The following XNDC1N variants were observed in gnomAD, a reference collection of about 807,000 sequenced individuals.
The protein encoded by XNDC1N is XRCC1 N-terminal domain containing 1, N-terminal like.
chr11:71,918,148 C>T, the XNDC1N span, among the ~76,000 whole-genome samples: 1 of 152,184 alleles, frequency 6.6e-6, no homozygotes, highest in Non-Finnish European at 1.5e-5. Context: ...TTCTAAATTC[C>T]AGAGAATTCT....
the XNDC1N span, among the ~76,000 whole-genome samples, chr11:71,899,696 C>T: frequency 6.6e-6 from 1 of 152,212 alleles, no homozygotes; most frequent in Admixed American, 6.5e-5. Flanking sequence ...GCAGGGAGCC[C>T]TGCCCTTGAA....
the XNDC1N span, among the ~76,000 whole-genome samples, chr11:71,867,310 G>A: frequency 0.19 from 28,645 of 152,166 alleles, 4,927 homozygotes; most frequent in African/African-American, 0.45. Context: ...CAGTGATTTG[G>A]CAACCATCCA....
the XNDC1N span, chr11:71,917,400 T>C: frequency 1.6e-6 from 1 of 616,868 alleles, no homozygotes; most frequent in Non-Finnish European, 2.9e-6. Flanking sequence ...AAATAGTTCA[T>C]AAATCTCCAT....
the XNDC1N span, among the ~76,000 whole-genome samples, chr11:71,868,833 G>A: frequency 6.6e-6 from 1 of 152,140 alleles, no homozygotes; most frequent in African/African-American, 2.4e-5. Flanking sequence ...CTCTAGTGAG[G>A]TTGGGGAAAT....
the XNDC1N span, among the ~76,000 whole-genome samples, chr11:71,924,401 G>A: frequency 1.3e-3 from 200 of 151,942 alleles, no homozygotes; most frequent in Non-Finnish European, 6.8e-4. Context: ...GTTCTGGACC[G>A]GGCGCGGTGG....
chr11:71,919,621 GTTTTTTTTTTTTT>G, the XNDC1N span, among the ~76,000 whole-genome samples: 1 of 27,000 alleles, frequency 3.7e-5, no homozygotes, highest in African/African-American at 7.6e-5. Context: ...TTTTTTGTTT[GTTTTTTTTTTTTT>G]TGAGACAGAG....
the XNDC1N span, among the ~76,000 whole-genome samples, chr11:71,911,282 T>C: frequency 1.3e-5 from 2 of 152,132 alleles, no homozygotes; most frequent in African/African-American, 4.8e-5. Context: ...TCTGTGAAAA[T>C]CCCCGTATAA....
chr11:71,873,658 T>C, the XNDC1N span, among the ~76,000 whole-genome samples: 1 of 151,850 alleles, frequency 6.6e-6, no homozygotes, highest in Admixed American at 6.6e-5. Context: ...TAGAAATGAG[T>C]TTGAAATGTT....
the XNDC1N span, among the ~76,000 whole-genome samples, chr11:71,907,725 G>A: frequency 6.6e-6 from 1 of 152,042 alleles, no homozygotes; most frequent in East Asian, 1.9e-4. Context: ...TTGGGGACGT[G>A]TCCACTTTCT....
the XNDC1N span, among the ~76,000 whole-genome samples, chr11:71,883,731 G>A: frequency 2.0e-5 from 3 of 152,088 alleles, no homozygotes; most frequent in Admixed American, 1.3e-4. Context: ...GGAAGGATTG[G>A]TATGTTTAAA....
At chr11:71,904,394 G>A in the XNDC1N span, among the ~76,000 whole-genome samples, 3 of 152,044 alleles carry the variant, frequency 2.0e-5, no homozygotes, top group Non-Finnish European at 4.4e-5. Flanking sequence ...TGGATATCAC[G>A]ACTCATATCA....
At chr11:71,884,760 TC>T in the XNDC1N span, 1 of 811,884 alleles carries the variant, frequency 1.2e-6, no homozygotes, top group Non-Finnish European at 1.9e-6. Flanking sequence ...TTAATTTACA[TC>T]CACAGCCACA....
chr11:71,906,002 C>A, the XNDC1N span, among the ~76,000 whole-genome samples: 3 of 152,078 alleles, frequency 2.0e-5, no homozygotes, highest in South Asian at 4.1e-4. Flanking sequence ...ACGGTGTACA[C>A]CCCTGTAACA....
At chr11:71,910,208 T>A in the XNDC1N span, among the ~76,000 whole-genome samples, 1 of 152,336 alleles carries the variant, frequency 6.6e-6, no homozygotes, top group East Asian at 1.9e-4. Context: ...ACCAGCCGGT[T>A]CAGGATTTGC....
At chr11:71,904,915 T>A in the XNDC1N span, among the ~76,000 whole-genome samples, 3 of 151,966 alleles carry the variant, frequency 2.0e-5, no homozygotes, top group Non-Finnish European at 4.4e-5. Context: ...AACATACCCC[T>A]AGGACATTAC....
the XNDC1N span, among the ~76,000 whole-genome samples, chr11:71,900,171 G>A: frequency 3.9e-5 from 5 of 129,002 alleles, no homozygotes; most frequent in Non-Finnish European, 3.4e-5. Flanking sequence ...TACTACATTC[G>A]TTTTTGCTAA....
the XNDC1N span, among the ~76,000 whole-genome samples, chr11:71,895,356 C>T: frequency 6.6e-6 from 1 of 151,934 alleles, no homozygotes; most frequent in Non-Finnish European, 1.5e-5. Flanking sequence ...GTTGCCCAGG[C>T]TGGAGTTCAA....
the XNDC1N span, among the ~76,000 whole-genome samples, chr11:71,905,437 A>G: frequency 1.3e-5 from 2 of 151,808 alleles, no homozygotes; most frequent in African/African-American, 4.8e-5. Flanking sequence ...AGAATATTAC[A>G]ATAATATAAC....
At chr11:71,910,514 C>A in the XNDC1N span, among the ~76,000 whole-genome samples, 1 of 152,120 alleles carries the variant, frequency 6.6e-6, no homozygotes, top group South Asian at 2.1e-4. Context: ...CCAGGAGAGA[C>A]CTAGGCTGCG....
Sources: gnomAD v4.1 joint callset for allele counts (sites outside exome capture counted in the v4.1 genomes callset) on GRCh38, gnomAD v4.1.1 for gene constraint, MANE v1.5 for transcripts, NCBI Gene and HGNC (gene_info 2026-07-23, HGNC 2026-07-21) for gene names.